The following LRMDA variants were observed in gnomAD, a reference collection of about 807,000 sequenced individuals.
LRMDA encodes the protein leucine rich melanocyte differentiation associated, also known as leucine-rich melanocyte differentiation-associated protein.
A neutral mutation model predicts 29.8 loss-of-function variants in LRMDA; 18 were observed. That is an observed-to-expected ratio of 0.60 (90% CI 0.42 to 0.90). The LOEUF (loss-of-function observed/expected upper bound fraction) is 0.90, where lower values mean the gene tolerates loss of function less well. LRMDA is among the 40% of genes least tolerant of loss of function. The pLI is 0.00. For missense variants in LRMDA, 273 were observed against 273.9 expected (o/e 1.00, Z 0.02); for synonymous variants, 125 against 109.4 (o/e 1.14, Z -0.89).
chr10:75,766,855 C>T (rs1299206652), intron 2 of LRMDA, among the ~76,000 whole-genome samples: 1 of 152,070 alleles, frequency 6.6e-6, no homozygotes, highest in Non-Finnish European at 1.5e-5. Context: ...CATGTGTTCT[C>T]CTTGTTCAAC....
At chr10:76,007,229 A>G (rs544806971) in intron 2 of LRMDA, among the ~76,000 whole-genome samples, 1 of 151,474 alleles carries the variant, frequency 6.6e-6, no homozygotes, top group South Asian at 2.1e-4. Flanking sequence ...TTTTTCATTC[A>G]CCCGCCTCCT....
intron 5 of LRMDA, among the ~76,000 whole-genome samples, chr10:76,162,169 G>A (rs981057580): frequency 1.3e-5 from 2 of 152,124 alleles, no homozygotes; most frequent in Non-Finnish European, 2.9e-5. Context: ...TTTACTTTGG[G>A]ATAGAATTAA....
chr10:75,637,078 T>G (rs1416689339), intron 2 of LRMDA, among the ~76,000 whole-genome samples: 1 of 152,206 alleles, frequency 6.6e-6, no homozygotes, highest in Non-Finnish European at 1.5e-5. Flanking sequence ...AATTGAGCAA[T>G]TTGAGGTTCT....
intron 2 of LRMDA, among the ~76,000 whole-genome samples, chr10:75,991,547 C>A (rs1192269025): frequency 6.6e-6 from 1 of 152,132 alleles, no homozygotes; most frequent in Non-Finnish European, 1.5e-5. Flanking sequence ...TTAGGGATGG[C>A]AAATACATTT....
intron 6 of LRMDA, among the ~76,000 whole-genome samples, chr10:76,478,267 C>T (rs1330847511): frequency 1.3e-5 from 2 of 152,144 alleles, no homozygotes; most frequent in African/African-American, 4.8e-5. Flanking sequence ...CAAAAGAAGA[C>T]ATTTATGCAG....
chr10:76,393,373 G>A (rs1841746144), intron 6 of LRMDA, among the ~76,000 whole-genome samples: 2 of 152,026 alleles, frequency 1.3e-5, no homozygotes, highest in Admixed American at 1.3e-4. Flanking sequence ...CAGATGTGAA[G>A]TGATATCTCA....
intron 2 of LRMDA, among the ~76,000 whole-genome samples, chr10:75,613,720 G>T (rs112308677): frequency 1.3e-5 from 2 of 152,342 alleles, no homozygotes; most frequent in Non-Finnish European, 2.9e-5. Flanking sequence ...CAGGGGAGAT[G>T]TTAGCAAACC....
intron 5 of LRMDA, among the ~76,000 whole-genome samples, chr10:76,145,275 C>G (rs980296310): frequency 2.7e-5 from 4 of 150,234 alleles, no homozygotes; most frequent in African/African-American, 7.6e-5. Flanking sequence ...GTACCAGCTC[C>G]TCTTTTCACC....
intron 2 of LRMDA, among the ~76,000 whole-genome samples, chr10:76,022,327 G>C (rs1172123337): frequency 6.6e-6 from 1 of 152,156 alleles, no homozygotes; most frequent in East Asian, 1.9e-4. Context: ...GCATACGGAA[G>C]AAACAAAGGT....
chr10:76,467,903 C>A (rs1039447690), intron 6 of LRMDA, among the ~76,000 whole-genome samples: 3 of 152,166 alleles, frequency 2.0e-5, no homozygotes, highest in African/African-American at 7.2e-5. Flanking sequence ...GTACTGGTTT[C>A]TGGTGCTGGG....
chr10:76,225,104 C>A (rs142425576), intron 5 of LRMDA, among the ~76,000 whole-genome samples: 41 of 152,130 alleles, frequency 2.7e-4, no homozygotes, highest in Non-Finnish European at 5.7e-4. Flanking sequence ...CGCCAAATCT[C>A]ATGCTGAAAT....
intron 5 of LRMDA, among the ~76,000 whole-genome samples, chr10:76,195,620 A>G (rs1851319421): frequency 1.3e-5 from 2 of 152,142 alleles, no homozygotes; most frequent in African/African-American, 4.8e-5. Context: ...TAAATTTAGC[A>G]TTTGCAGCTA....
intron 2 of LRMDA, among the ~76,000 whole-genome samples, chr10:75,859,517 A>G (rs946302157): frequency 6.6e-6 from 1 of 151,738 alleles, no homozygotes; most frequent in South Asian, 2.1e-4. Context: ...TGAATTGCCC[A>G]TGTATATTAT....
intron 5 of LRMDA, among the ~76,000 whole-genome samples, chr10:76,065,560 C>T (rs546675286): frequency 3.3e-5 from 5 of 152,334 alleles, no homozygotes; most frequent in East Asian, 1.9e-4. Flanking sequence ...CCCACATGCT[C>T]GCTGCTGTCC....
chr10:75,558,576 A>C (rs999252442), intron 2 of LRMDA, among the ~76,000 whole-genome samples: 4 of 151,030 alleles, frequency 2.6e-5, no homozygotes, highest in African/African-American at 9.7e-5. Context: ...ACATGTGCAC[A>C]ATGTGCAGGT....
chr10:75,799,966 T>G (rs1214169693), intron 2 of LRMDA, among the ~76,000 whole-genome samples: 1 of 152,214 alleles, frequency 6.6e-6, no homozygotes, highest in African/African-American at 2.4e-5. Flanking sequence ...AATTCTGTTA[T>G]TTTGTTTTAA....
intron 2 of LRMDA, chr10:75,782,876 G>A: frequency 2.8e-5 from 45 of 1,588,588 alleles, no homozygotes; most frequent in Non-Finnish European, 3.8e-5. Flanking sequence ...CCCCAAAGCC[G>A]TGGAGTACCT....
chr10:76,268,829 A>G (rs1289903042), intron 5 of LRMDA, among the ~76,000 whole-genome samples: 1 of 152,060 alleles, frequency 6.6e-6, no homozygotes, highest in Non-Finnish European at 1.5e-5. Flanking sequence ...CCCATTTGAG[A>G]CTGAGAGTGT....
chr10:76,412,976 G>C (rs1189326266), intron 6 of LRMDA, among the ~76,000 whole-genome samples: 2 of 151,634 alleles, frequency 1.3e-5, no homozygotes, highest in Admixed American at 6.6e-5. Flanking sequence ...TGTTCTCCTG[G>C]TCAGCAATCC....
Sources: gnomAD v4.1 joint callset for allele counts (sites outside exome capture counted in the v4.1 genomes callset) on GRCh38, gnomAD v4.1.1 for gene constraint, MANE v1.5 for transcripts, NCBI Gene and HGNC (gene_info 2026-07-23, HGNC 2026-07-21) for gene names.